ERC2: variants seen among roughly 807,000 people sequenced by gnomAD.
ERC2 encodes ELKS/RAB6-interacting/CAST family member 2, also known as ERC protein 2.
Under a neutral mutation model 114.8 loss-of-function variants are expected in ERC2, and 42 were observed. That is an observed-to-expected ratio of 0.37 (90% CI 0.29 to 0.47). The LOEUF (loss-of-function observed/expected upper bound fraction) is 0.47. ERC2 is among the 20% of genes least tolerant of loss of function. The probability of loss-of-function intolerance (pLI) is 0.99; values close to 1 mark genes in which losing one functional copy is unlikely to be tolerated. For synonymous variants in ERC2, 454 were observed against 425.5 expected (o/e 1.07, Z -0.82); for missense variants, 939 against 1,150.7 (o/e 0.82, Z 2.66).
At chr3:55,605,350 C>A (rs2058597977) in intron 17 of ERC2, among the ~76,000 whole-genome samples, 2 of 152,106 alleles carry the variant, frequency 1.3e-5, no homozygotes, top group South Asian at 4.1e-4. Flanking sequence ...CCCACCTCAG[C>A]CTCCCCAGTC....
At chr3:55,585,074 G>A (rs1025204254) in intron 17 of ERC2, among the ~76,000 whole-genome samples, 1 of 152,222 alleles carries the variant, frequency 6.6e-6, no homozygotes, top group South Asian at 2.1e-4. Flanking sequence ...CGGGCAGGCT[G>A]CTGCTTCCGC....
intron 14 of ERC2, among the ~76,000 whole-genome samples, chr3:55,784,621 C>T (rs562761814): frequency 6.6e-6 from 1 of 152,282 alleles, no homozygotes; most frequent in Admixed American, 6.5e-5. Flanking sequence ...CTTTCTTCTT[C>T]CTTTATGTTT....
At chr3:55,929,289 GTC>G (rs2065933025) in intron 13 of ERC2, among the ~76,000 whole-genome samples, 1 of 152,168 alleles carries the variant, frequency 6.6e-6, no homozygotes, top group South Asian at 2.1e-4. Context: ...GATGTCCACT[GTC>G]TCTGAGTCTC....
At chr3:56,404,341 C>T (rs370307257) in intron 2 of ERC2, among the ~76,000 whole-genome samples, 2 of 152,072 alleles carry the variant, frequency 1.3e-5, no homozygotes, top group Non-Finnish European at 2.9e-5. Context: ...ATTCCCTATT[C>T]GTATTGCCCT....
At chr3:55,913,615 AT>A (rs1419836962) in intron 13 of ERC2, among the ~76,000 whole-genome samples, 3 of 152,164 alleles carry the variant, frequency 2.0e-5, no homozygotes, top group African/African-American at 2.4e-5. Flanking sequence ...GGAAAAAAAA[AT>A]ATTTTATGGA....
At chr3:56,237,976 A>T (rs2051070975) in intron 3 of ERC2, among the ~76,000 whole-genome samples, 1 of 151,552 alleles carries the variant, frequency 6.6e-6, no homozygotes, top group African/African-American at 2.4e-5. Context: ...TCTAAAGAAG[A>T]TATTGTCACA....
intron 14 of ERC2, among the ~76,000 whole-genome samples, chr3:55,834,479 T>G (rs2060778013): frequency 6.6e-6 from 1 of 151,884 alleles, no homozygotes; most frequent in African/African-American, 2.4e-5. Flanking sequence ...CTCAACTACA[T>G]GGAAACTCAA....
chr3:56,010,644 A>C (rs2072848623), intron 8 of ERC2, 55 bp from the exon 9 acceptor site: 1 of 1,550,286 alleles, frequency 6.5e-7, no homozygotes, highest in Admixed American at 1.9e-5. Flanking sequence ...GTATATGCCA[A>C]AGCATACTGT....
At chr3:56,056,567 T>C (rs769980211) in intron 7 of ERC2, among the ~76,000 whole-genome samples, 19 of 152,162 alleles carry the variant, frequency 1.2e-4, no homozygotes, top group Non-Finnish European at 2.5e-4. Context: ...CATTATTATG[T>C]ATGGGCCTTG....
intron 3 of ERC2, among the ~76,000 whole-genome samples, chr3:56,200,237 C>T (rs1202886400): frequency 1.3e-5 from 2 of 151,808 alleles, no homozygotes; most frequent in African/African-American, 4.8e-5. Context: ...TCACACAGAG[C>T]AGGTTTAATG....
At chr3:55,516,342 C>T (rs1045577243) in intron 17 of ERC2, among the ~76,000 whole-genome samples, 32 of 151,974 alleles carry the variant, frequency 2.1e-4, no homozygotes, top group Non-Finnish European at 4.1e-4. Context: ...CCGTTTTCCT[C>T]ATGAAGATTT....
At chr3:55,548,620 G>A (rs1293986521) in intron 17 of ERC2, among the ~76,000 whole-genome samples, 2 of 152,228 alleles carry the variant, frequency 1.3e-5, no homozygotes, top group African/African-American at 4.8e-5. Context: ...CGGGGCTGGA[G>A]AGAAGGCATC....
chr3:56,320,927 G>C (rs76763008), intron 2 of ERC2, among the ~76,000 whole-genome samples: 1 of 152,118 alleles, frequency 6.6e-6, no homozygotes, highest in Non-Finnish European at 1.5e-5. Context: ...AGCTAGGGAA[G>C]TCTGCCCATT....
chr3:55,609,706 G>A (rs559429942), intron 17 of ERC2, among the ~76,000 whole-genome samples: 121 of 152,204 alleles, frequency 7.9e-4, no homozygotes, highest in African/African-American at 2.7e-3. Context: ...TCCTGCTTGC[G>A]ACAGTTAAAT....
chr3:55,531,346 G>GTTTCCCT (rs1302092737), intron 17 of ERC2, among the ~76,000 whole-genome samples: 1 of 152,160 alleles, frequency 6.6e-6, no homozygotes. Context: ...AGCAAGCACA[G>GTTTCCCT]TTTCCCTTCT....
intron 17 of ERC2, among the ~76,000 whole-genome samples, chr3:55,655,843 G>A (rs539633879): frequency 2.0e-4 from 31 of 152,350 alleles, no homozygotes; most frequent in African/African-American, 7.0e-4. Context: ...GCTAATGAGT[G>A]CAACCACGTC....
At chr3:55,897,794 C>T (rs372093310) in intron 13 of ERC2, among the ~76,000 whole-genome samples, 1 of 152,332 alleles carries the variant, frequency 6.6e-6, no homozygotes, top group East Asian at 1.9e-4. Context: ...CACCTCCCCA[C>T]TGCTGCCTTA....
At chr3:55,691,573 A>AT (rs1361667113) in intron 16 of ERC2, among the ~76,000 whole-genome samples, 2 of 39,748 alleles carry the variant, frequency 5.0e-5, no homozygotes, top group Admixed American at 3.6e-4. Context: ...AAAAAAAAAA[A>AT]ATATATATAT....
At chr3:56,244,550 G>T (rs1469052828) in intron 3 of ERC2, among the ~76,000 whole-genome samples, 1 of 151,972 alleles carries the variant, frequency 6.6e-6, no homozygotes, top group African/African-American at 2.4e-5. Flanking sequence ...TGATGTTGAT[G>T]ATCCTGATCA....
Sources: gnomAD v4.1 joint callset for allele counts (sites outside exome capture counted in the v4.1 genomes callset) on GRCh38, gnomAD v4.1.1 for gene constraint, MANE v1.5 for transcripts, NCBI Gene and HGNC (gene_info 2026-07-23, HGNC 2026-07-21) for gene names.